The following ST6GALNAC6 variants were observed in gnomAD, a reference collection of about 807,000 sequenced individuals.
ST6GALNAC6 encodes alpha-N-acetylgalactosaminide alpha-2,6-sialyltransferase 6.
Under a neutral mutation model 34.3 loss-of-function variants are expected in ST6GALNAC6, and 19 were observed. That is an observed-to-expected ratio of 0.55 (90% CI 0.39 to 0.81). ST6GALNAC6 has a LOEUF of 0.81. Among genes scored for constraint, ST6GALNAC6 ranks in the 40% least tolerant of loss-of-function variants. The pLI is 0.00. For synonymous variants in ST6GALNAC6, 185 were observed against 182.1 expected (o/e 1.02, Z -0.13); for missense variants, 377 against 467.7 (o/e 0.81, Z 1.79).
chr9:127,893,310 A>C (rs1830258419), intron 4 of ST6GALNAC6, among the ~76,000 whole-genome samples: 1 of 152,204 alleles, frequency 6.6e-6, no homozygotes, highest in Non-Finnish European at 1.5e-5. Flanking sequence ...TCTCCAAAGA[A>C]GACATCTTCC....
At chr9:127,905,413 C>T (rs1830891596), upstream of ST6GALNAC6, 1 of 985,430 alleles carries the variant, frequency 1.0e-6, no homozygotes, top group Non-Finnish European at 1.2e-6. Flanking sequence ...AGTAAATACC[C>T]CACCCGAGGG....
upstream of ST6GALNAC6, among the ~76,000 whole-genome samples, chr9:127,906,596 C>A (rs775827333): frequency 6.6e-6 from 1 of 152,172 alleles, no homozygotes; most frequent in Non-Finnish European, 1.5e-5. Flanking sequence ...CAGCTAGCAC[C>A]AGTCCTCCTC....
chr9:127,901,877 G>A (rs1325516655), upstream of ST6GALNAC6, among the ~76,000 whole-genome samples: 1 of 151,468 alleles, frequency 6.6e-6, no homozygotes, highest in Non-Finnish European at 1.5e-5. Context: ...AGGTTGCAGT[G>A]ACCGAGATCG....
Position 127,891,012 on chromosome 9 carries a change from A to G in ST6GALNAC6, c.329T>C (p.Ile110Thr). The G allele has an allele frequency of 6.2e-7, 1 of 1,614,030 alleles. No individual in the cohort carries two copies. The highest frequency in any genetic ancestry group is 8.5e-7 in the Non-Finnish European group (1 of 1,180,004). Residue 110 changes from isoleucine to threonine, a missense_variant, in exon 5 of 7, where the codon ATT (isoleucine) becomes ACT (threonine). By Grantham distance (89) the Ile-to-Thr change is moderately conservative. Transcript: ENST00000373146. ...CAGCAGGTGGCTGGAGCTGCTGACA[A>G]TCACACACTGGTGGCACCGAGAGGG... is the stretch of plus-strand genomic sequence containing the variant. ...TLPSRCHQCVIVSSSSHLLGT... is the reference protein window; with the variant it reads ...TLPSRCHQCVTVSSSSHLLGT...
chr9:127,902,474 A>C (rs539368209), upstream of ST6GALNAC6, among the ~76,000 whole-genome samples: 1 of 151,994 alleles, frequency 6.6e-6, no homozygotes, highest in Admixed American at 6.6e-5. Flanking sequence ...TTTAGTGTTA[A>C]TAGTGGTTAT....
At chr9:127,902,073 A>G (rs1395910401), upstream of ST6GALNAC6, among the ~76,000 whole-genome samples, 1 of 152,224 alleles carries the variant, frequency 6.6e-6, no homozygotes, top group Non-Finnish European at 1.5e-5. Flanking sequence ...TCACTTTCAA[A>G]TATGACACCA....
At position 127,894,701 on chromosome 9, in the gene ST6GALNAC6, G is replaced by C. The variant is rs1161107073; in HGVS notation, c.118-10C>G. The C allele has an allele frequency of 3.1e-6, 5 of 1,611,242 alleles. No individual in the cohort carries two copies. The highest frequency in any genetic ancestry group is 4.2e-6 in the Non-Finnish European group (5 of 1,178,254). On this transcript the variant is annotated splice_polypyrimidine_tract_variant and intron_variant, in intron 3 of 6. Coordinates refer to ENST00000373146, the MANE Select transcript of ST6GALNAC6 (RefSeq NM_013443.5). Reference sequence around the variant, plus strand: ...CTGCTGACCGCTGCTCCTGGAGAGAGGAGAGGTCAGTGAGGGCCCAGCTGC... The same window carrying C: ...CTGCTGACCGCTGCTCCTGGAGAGACGAGAGGTCAGTGAGGGCCCAGCTGC...
chr9:127,902,428 G>C (rs1278291571), upstream of ST6GALNAC6, among the ~76,000 whole-genome samples: 1 of 152,046 alleles, frequency 6.6e-6, no homozygotes, highest in Non-Finnish European at 1.5e-5. Context: ...CCAAAGTGCT[G>C]GGATTACAGG....
chr9:127,899,619 C>G, upstream of ST6GALNAC6: 1 of 982,534 alleles, frequency 1.0e-6, no homozygotes, highest in Non-Finnish European at 1.2e-6. Context: ...ACCCGCGGCC[C>G]GCCGGGTCCT....
In ST6GALNAC6 at chr9:127,892,560, C is replaced by T. The variant is rs78732444; in HGVS notation, c.298-1517G>A. ...GGTGGTCACTAAGAATTGATTGTCT[C>T]ACCCCCCGCACACCTTTCTGTCAAG... On this transcript the variant is annotated intron_variant, in intron 4 of 6. Coordinates refer to ENST00000373146, the MANE Select transcript of ST6GALNAC6 (RefSeq NM_013443.5). Among the ~76,000 whole-genome samples the T allele has an allele frequency of 7.5e-3, 1,141 of 152,276 alleles. 15 individuals are homozygous for T. The highest frequency in any genetic ancestry group is 0.023 in the African/African-American group (956 of 41,548).
intron 4 of ST6GALNAC6, among the ~76,000 whole-genome samples, chr9:127,893,012 C>T (rs1004427872): frequency 6.6e-6 from 1 of 152,172 alleles, no homozygotes; most frequent in Admixed American, 6.5e-5. Context: ...ATTGTTAAAC[C>T]CTTTCTCTGC....
upstream of ST6GALNAC6, chr9:127,902,990 C>CTTTTTTTTT (rs10551658): frequency 5.5e-5 from 3 of 54,122 alleles, no homozygotes; most frequent in African/African-American, 1.6e-4. Context: ...TTTTTGCTTG[C>CTTTTTTTTT]TTTTTTTTTT....
intron 2 of ST6GALNAC6, chr9:127,897,464 G>T (rs1830537059): frequency 2.0e-6 from 2 of 985,736 alleles, no homozygotes; most frequent in African/African-American, 1.7e-5. Flanking sequence ...TGATTGGTTA[G>T]ATCATGGCCC....
In ST6GALNAC6 at chr9:127,886,480, C is replaced by G. The variant is rs763172794; in HGVS notation, c.*119G>C. ...TGGAGGATACATCCTCCTCAAGGCCCTGATTGGCTGGGAGACACTCCAGCA... is the reference window on the plus strand; with the variant it reads ...TGGAGGATACATCCTCCTCAAGGCCGTGATTGGCTGGGAGACACTCCAGCA... On this transcript the variant is annotated 3_prime_UTR_variant, in exon 7 of 7. Coordinates refer to ENST00000373146, the MANE Select transcript of ST6GALNAC6 (RefSeq NM_013443.5). 6.7e-7 allele frequency: 1 copy of G among 1,485,928 alleles called. No individual in the cohort carries two copies. The highest frequency in any genetic ancestry group is 1.4e-5 in the African/African-American group (1 of 71,114). The allele number at this position is 1,485,928 out of a possible 1,614,324, so 92.0% of individuals were successfully genotyped here. A position where few individuals can be genotyped will look rare whatever the true frequency, so the allele number is the denominator to read the frequency against.
chr9:127,905,937 C>T, upstream of ST6GALNAC6: 1 of 985,562 alleles, frequency 1.0e-6, no homozygotes, highest in Non-Finnish European at 1.2e-6. Flanking sequence ...GCCCTTACCT[C>T]TGCCTGACAC....
chr9:127,897,785 C>G, intron 2 of ST6GALNAC6, 171 bp downstream of exon 2: 1 of 1,478,198 alleles, frequency 6.8e-7, no homozygotes, highest in South Asian at 1.3e-5. Flanking sequence ...CGTGGCCACC[C>G]TTTCCTGCGG....
chr9:127,906,127 C>A (rs1470688608), upstream of ST6GALNAC6: 2 of 703,382 alleles, frequency 2.8e-6, no homozygotes, highest in East Asian at 2.6e-4. Flanking sequence ...GTCTCAGCCC[C>A]CTCTGTGAAA....
chr9:127,894,796 A>C, intron 3 of ST6GALNAC6, 105 bp from the exon 4 acceptor site: 1 of 1,341,774 alleles, frequency 7.5e-7, no homozygotes, highest in Non-Finnish European at 1.0e-6. Flanking sequence ...TTTGTTGCAG[A>C]CCAGGTCAGG....
At chr9:127,895,074 G>A (rs1471185219) in intron 3 of ST6GALNAC6, among the ~76,000 whole-genome samples, 1 of 152,218 alleles carries the variant, frequency 6.6e-6, no homozygotes, top group Non-Finnish European at 1.5e-5. Context: ...ACATCTGAGT[G>A]AGAGGGTCTA....
Sources: allele counts gnomAD v4.1 joint callset (sites outside exome capture counted in the v4.1 genomes callset), GRCh38; gene constraint gnomAD v4.1.1; transcripts MANE v1.5; gene names NCBI Gene and HGNC (gene_info 2026-07-23, HGNC 2026-07-21).